The following UBE2E2 variants were observed in gnomAD, a reference collection of about 807,000 sequenced individuals.
UBE2E2 encodes the protein ubiquitin conjugating enzyme E2 E2.
Under a neutral mutation model 24.7 loss-of-function variants are expected in UBE2E2, and 6 were observed. The ratio of observed to expected loss-of-function variants is 0.24; its 90% CI spans 0.13 to 0.48. The LOEUF (loss-of-function observed/expected upper bound fraction) is 0.48. Ranked by LOEUF, UBE2E2 falls within the 20% of genes least tolerant of loss-of-function variation. The pLI is 0.99. For missense variants in UBE2E2, 169 were observed against 245.0 expected (o/e 0.69, Z 2.07); for synonymous variants, 104 against 83.6 (o/e 1.24, Z -1.33).
intron 3 of UBE2E2, among the ~76,000 whole-genome samples, chr3:23,258,932 A>T (rs1436066059): frequency 6.7e-6 from 1 of 150,206 alleles, no homozygotes; most frequent in Non-Finnish European, 1.5e-5. Flanking sequence ...AAAGATTCTA[A>T]CCCCAGGAAA....
chr3:23,215,319 A>G (rs1294901049), intron 2 of UBE2E2, among the ~76,000 whole-genome samples: 2 of 152,150 alleles, frequency 1.3e-5, no homozygotes, highest in Admixed American at 6.5e-5. Context: ...TACATTTATT[A>G]TAACTAAATA....
chr3:23,468,475 G>C (rs1191253013), intron 3 of UBE2E2, among the ~76,000 whole-genome samples: 1 of 152,166 alleles, frequency 6.6e-6, no homozygotes, highest in Non-Finnish European at 1.5e-5. Flanking sequence ...TAAAATAAAA[G>C]CCCAAAACAT....
At chr3:23,273,706 A>G (rs956240065) in intron 3 of UBE2E2, 1 of 152,266 alleles carries the variant, frequency 6.6e-6, no homozygotes, top group Non-Finnish European at 1.5e-5. Context: ...AAATAACTGA[A>G]TAAGAACTTG....
At chr3:23,355,821 T>C (rs1292640384) in intron 3 of UBE2E2, among the ~76,000 whole-genome samples, 1 of 152,236 alleles carries the variant, frequency 6.6e-6, no homozygotes, top group Admixed American at 6.5e-5. Context: ...CTACGATTCA[T>C]GTGTATTTAC....
At chr3:23,343,525 G>T (rs975345127) in intron 3 of UBE2E2, among the ~76,000 whole-genome samples, 1 of 125,962 alleles carries the variant, frequency 7.9e-6, no homozygotes, top group Non-Finnish European at 1.7e-5. Flanking sequence ...GCAGTGAGCC[G>T]AGATGGCGCC....
intron 1 of UBE2E2, among the ~76,000 whole-genome samples, chr3:23,207,120 T>G: frequency 6.6e-6 from 1 of 152,150 alleles, no homozygotes; most frequent in East Asian, 1.9e-4. Context: ...CACAAGGCCT[T>G]TTAGAGTCTG....
intron 3 of UBE2E2, among the ~76,000 whole-genome samples, chr3:23,273,517 C>G (rs572415626): frequency 1.8e-4 from 23 of 129,074 alleles, no homozygotes; most frequent in Admixed American, 8.6e-4. Context: ...GGCGACAGAG[C>G]GAGACTCCGT....
At chr3:23,261,135 TG>T (rs1453147224) in intron 3 of UBE2E2, among the ~76,000 whole-genome samples, 1 of 151,094 alleles carries the variant, frequency 6.6e-6, no homozygotes, top group African/African-American at 2.4e-5. Flanking sequence ...AGAAAAGTAA[TG>T]GAACTCAGTA....
chr3:23,272,090 T>C (rs544808504), intron 3 of UBE2E2, among the ~76,000 whole-genome samples: 1 of 152,260 alleles, frequency 6.6e-6, no homozygotes, highest in East Asian at 1.9e-4. Context: ...GTGATGCCTG[T>C]TGGGGAGGCT....
chr3:23,520,101 AT>A (rs1332628157), intron 4 of UBE2E2, among the ~76,000 whole-genome samples: 2 of 148,882 alleles, frequency 1.3e-5, no homozygotes, highest in East Asian at 2.0e-4. Flanking sequence ...TTTCTTTATT[AT>A]TTTTTTCTGT....
At chr3:23,576,035 G>C (rs1305627493) in intron 5 of UBE2E2, among the ~76,000 whole-genome samples, 1 of 152,098 alleles carries the variant, frequency 6.6e-6, no homozygotes, top group Non-Finnish European at 1.5e-5. Flanking sequence ...GGAAGGATGA[G>C]GGTCAAACCA....
intron 5 of UBE2E2, among the ~76,000 whole-genome samples, chr3:23,542,470 T>C (rs1201376795): frequency 2.0e-5 from 3 of 152,242 alleles, no homozygotes; most frequent in Non-Finnish European, 4.4e-5. Flanking sequence ...TGCAGTATTG[T>C]AACTAGGCAA....
intron 3 of UBE2E2, among the ~76,000 whole-genome samples, chr3:23,291,576 T>C (rs1323685519): frequency 6.6e-6 from 1 of 152,108 alleles, no homozygotes; most frequent in Non-Finnish European, 1.5e-5. Flanking sequence ...TTCACAGATT[T>C]AGCAGTCTAG....
At chr3:23,308,117 C>T (rs1327936710) in intron 3 of UBE2E2, among the ~76,000 whole-genome samples, 10 of 152,176 alleles carry the variant, frequency 6.6e-5, no homozygotes, top group Admixed American at 6.6e-4. Flanking sequence ...TCAGCTATAC[C>T]TGGCTTTAGA....
intron 3 of UBE2E2, among the ~76,000 whole-genome samples, chr3:23,284,065 G>A (rs897575552): frequency 6.6e-6 from 1 of 152,004 alleles, no homozygotes; most frequent in Non-Finnish European, 1.5e-5. Context: ...ATTAATTATA[G>A]CTTAGGTGCA....
intron 3 of UBE2E2, among the ~76,000 whole-genome samples, chr3:23,496,429 T>C (rs1447453604): frequency 6.6e-6 from 1 of 152,160 alleles, no homozygotes; most frequent in East Asian, 1.9e-4. Context: ...AGGAAACCAC[T>C]CTTCTGAACT....
intron 3 of UBE2E2, among the ~76,000 whole-genome samples, chr3:23,229,443 T>C (rs1696917271): frequency 6.6e-6 from 1 of 152,142 alleles, no homozygotes; most frequent in South Asian, 2.1e-4. Context: ...CCTCACCCTC[T>C]TCCCACCCTT....
chr3:23,553,092 A>T, intron 5 of UBE2E2, among the ~76,000 whole-genome samples: 1 of 106,178 alleles, frequency 9.4e-6, no homozygotes, highest in South Asian at 3.5e-4. Flanking sequence ...GAGAAAAATG[A>T]GAGAGAAATA....
intron 3 of UBE2E2, 64 bp from the exon 4 acceptor site, chr3:23,499,544 A>C: frequency 6.4e-7 from 1 of 1,555,660 alleles, no homozygotes; most frequent in African/African-American, 1.4e-5. Context: ...TCATAAATAG[A>C]TTTTGTTAAA....
Sources: gnomAD v4.1 joint callset for allele counts (sites outside exome capture counted in the v4.1 genomes callset) on GRCh38, gnomAD v4.1.1 for gene constraint, MANE v1.5 for transcripts, NCBI Gene and HGNC (gene_info 2026-07-23, HGNC 2026-07-21) for gene names.